Variants in CDK14 observed in about 807,000 individuals in gnomAD.
CDK14 encodes the protein cyclin-dependent kinase 14.
Under a neutral mutation model 60.7 loss-of-function variants are expected in CDK14, and 34 were observed. The observed-to-expected ratio is 0.56, with a 90% CI of 0.43 to 0.75. CDK14 has a LOEUF of 0.75. Ranked by LOEUF, CDK14 falls within the 30% of genes least tolerant of loss-of-function variation. CDK14 has a pLI of 0.00. For synonymous variants in CDK14, 197 were observed against 203.7 expected, an observed-to-expected ratio of 0.97 and a Z score of 0.28; for missense variants, 482 against 564.1, an observed-to-expected ratio of 0.85 and a Z score of 1.47.
At chr7:91,010,898 G>A (rs181847056) in intron 10 of CDK14, among the ~76,000 whole-genome samples, 59 of 120,146 alleles carry the variant, frequency 4.9e-4, no homozygotes, top group African/African-American at 1.6e-3. Flanking sequence ...GCCTTATACT[G>A]GCTAGAACCT....
intron 2 of CDK14, among the ~76,000 whole-genome samples, chr7:90,702,044 C>CT (rs1383204789): frequency 3.3e-5 from 5 of 152,274 alleles, no homozygotes; most frequent in African/African-American, 9.6e-5. Flanking sequence ...AAGGATTACT[C>CT]TAAGTTGGAT....
chr7:90,823,634 A>G (rs2117085268), intron 5 of CDK14, among the ~76,000 whole-genome samples: 1 of 152,292 alleles, frequency 6.6e-6, no homozygotes, highest in Non-Finnish European at 1.5e-5. Context: ...TTTCGAATCA[A>G]CCAAACCTAG....
chr7:91,203,705 T>C (rs1802796225), intron 14 of CDK14, among the ~76,000 whole-genome samples: 1 of 152,196 alleles, frequency 6.6e-6, no homozygotes, highest in African/African-American at 2.4e-5. Flanking sequence ...GAATCTCAAC[T>C]GCTGTTTAAA....
At chr7:91,047,836 C>A (rs1019289305) in intron 11 of CDK14, among the ~76,000 whole-genome samples, 4 of 152,124 alleles carry the variant, frequency 2.6e-5, no homozygotes, top group South Asian at 2.1e-4. Context: ...TCAAAGGAAA[C>A]AAATTTCCAA....
intron 3 of CDK14, among the ~76,000 whole-genome samples, chr7:90,735,425 C>T (rs1010095548): frequency 6.6e-6 from 1 of 152,204 alleles, no homozygotes; most frequent in Non-Finnish European, 1.5e-5. Context: ...GCCCCTTTCC[C>T]CCGTTGCTCT....
chr7:91,140,285 T>G (rs1800416512), intron 14 of CDK14, among the ~76,000 whole-genome samples: 1 of 152,200 alleles, frequency 6.6e-6, no homozygotes, highest in African/African-American at 2.4e-5. Flanking sequence ...TGACTTCCTT[T>G]GGAAAGTTGA....
rs189869157 is a variant in CDK14, at chr7:91,193,800, T to A, written c.*29-13365T>A. ...GTATTTTGTGTATATGTGTATATGG[T>A]ACTGATCAAGATAGCCCTCCAGTGA... On this transcript the variant is annotated intron_variant, in intron 14 of 14. Transcript: ENST00000380050. Among the ~76,000 whole-genome samples the A allele has an allele frequency of 2.4e-3, 362 of 152,256 alleles. 2 individuals carry two copies. Among genetic ancestry groups the A allele is most frequent in the African/African-American group, 8.2e-3 (339 of 41,550 alleles).
intron 10 of CDK14, among the ~76,000 whole-genome samples, chr7:90,995,045 C>T (rs979701054): frequency 1.3e-5 from 2 of 152,152 alleles, no homozygotes; most frequent in East Asian, 1.9e-4. Context: ...CACCGCCTGG[C>T]GTTTATGCCC....
intron 8 of CDK14, among the ~76,000 whole-genome samples, chr7:90,936,946 G>A (rs572977569): frequency 1.2e-3 from 187 of 152,134 alleles, no homozygotes; most frequent in African/African-American, 4.4e-3. Context: ...GGGCGTGGTG[G>A]TGCACACCTG....
intron 10 of CDK14, among the ~76,000 whole-genome samples, chr7:91,033,517 T>C (rs1691831853): frequency 6.6e-6 from 1 of 152,172 alleles, no homozygotes; most frequent in South Asian, 2.1e-4. Context: ...CACCTGGGGT[T>C]CTTCATGAGC....
intron 8 of CDK14, among the ~76,000 whole-genome samples, chr7:90,950,268 G>T (rs1226725840): frequency 6.6e-6 from 1 of 151,956 alleles, no homozygotes; most frequent in Non-Finnish European, 1.5e-5. Flanking sequence ...TAGACACGGG[G>T]TTTCACCATG....
intron 14 of CDK14, among the ~76,000 whole-genome samples, chr7:91,173,649 A>G (rs1584165167): frequency 6.6e-6 from 1 of 152,198 alleles, no homozygotes; most frequent in Non-Finnish European, 1.5e-5. Flanking sequence ...CTTGGGAAGC[A>G]CAAGGGGTCA....
At chr7:90,984,643 A>G (rs1313024711) in intron 10 of CDK14, among the ~76,000 whole-genome samples, 1 of 152,216 alleles carries the variant, frequency 6.6e-6, no homozygotes, top group Non-Finnish European at 1.5e-5. Context: ...GAGAGTGGGA[A>G]GATGGTGACT....
intron 10 of CDK14, among the ~76,000 whole-genome samples, chr7:91,006,830 G>A (rs1255468029): frequency 2.6e-5 from 4 of 152,258 alleles, no homozygotes; most frequent in Non-Finnish European, 4.4e-5. Context: ...AATCAGTCAC[G>A]GATAGCTTTC....
chr7:90,692,950 A>T (rs1801584970), intron 2 of CDK14, among the ~76,000 whole-genome samples: 1 of 151,818 alleles, frequency 6.6e-6, no homozygotes, highest in Non-Finnish European at 1.5e-5. Flanking sequence ...AAAAAAAAAA[A>T]TTCTCCCTGG....
intron 8 of CDK14, among the ~76,000 whole-genome samples, chr7:90,935,179 A>G (rs1437576955): frequency 1.3e-5 from 2 of 152,284 alleles, no homozygotes; most frequent in East Asian, 3.9e-4. Context: ...TCCCAAGATA[A>G]TGAACCAACT....
rs544234309 is a variant in CDK14, at chr7:90,791,693, T to C, written c.544+1041T>C. On this transcript the variant is annotated intron_variant, in intron 5 of 14. Transcript: ENST00000380050. ...TAATTTTGTTTCCATCATTTATCTTTAGCGGAAACTGTTCTTATAAAGTTC... is the reference window on the plus strand; with the variant it reads ...TAATTTTGTTTCCATCATTTATCTTCAGCGGAAACTGTTCTTATAAAGTTC... Among the ~76,000 whole-genome samples the C allele has an allele frequency of 1.6e-4, 25 of 152,336 alleles. No individual in the cohort carries two copies. In the East Asian group the frequency reaches 4.2e-3, roughly 26 times the overall value.
intron 12 of CDK14, among the ~76,000 whole-genome samples, chr7:91,093,945 G>A (rs1230649488): frequency 6.6e-6 from 1 of 152,072 alleles, no homozygotes; most frequent in Non-Finnish European, 1.5e-5. Flanking sequence ...AATATTGAAT[G>A]TTCTCGCTTG....
intron 8 of CDK14, among the ~76,000 whole-genome samples, chr7:90,930,032 C>T (rs1433531660): frequency 1.3e-5 from 2 of 152,056 alleles, no homozygotes; most frequent in African/African-American, 4.8e-5. Context: ...AGATTTGATG[C>T]TCTGTTCAAC....
Sources: gnomAD v4.1 joint callset for allele counts (sites outside exome capture counted in the v4.1 genomes callset) on GRCh38, gnomAD v4.1.1 for gene constraint, MANE v1.5 for transcripts, NCBI Gene and HGNC (gene_info 2026-07-23, HGNC 2026-07-21) for gene names.